Variants in NDRG4 observed in about 807,000 individuals in gnomAD.
NDRG4 encodes the protein NDRG family member 4, also known as protein NDRG4.
In NDRG4, 38 loss-of-function variants were observed where a neutral mutation model predicts 55.8. That is an observed-to-expected ratio of 0.68 (90% CI 0.53 to 0.89). The LOEUF is 0.89. NDRG4 is among the 40% of genes least tolerant of loss of function. The pLI is 0.00. For synonymous variants in NDRG4, 190 were observed against 182.7 expected (o/e 1.04, Z -0.32); for missense variants, 455 against 468.6 (o/e 0.97, Z 0.27).
chr16:58,487,747 C>T, intron 1 of NDRG4: 1 of 1,523,632 alleles, frequency 6.6e-7, no homozygotes, highest in Non-Finnish European at 8.8e-7. Flanking sequence ...CCTCGCCCTC[C>T]CTCCCTAGGC....
chr16:58,483,172 T>C (rs552064504), intron 1 of NDRG4, among the ~76,000 whole-genome samples: 1 of 152,154 alleles, frequency 6.6e-6, no homozygotes, highest in Admixed American at 6.5e-5. Context: ...TTCTGTAGGA[T>C]GTATAACTAC....
intron 1 of NDRG4, among the ~76,000 whole-genome samples, chr16:58,471,643 A>G: frequency 6.6e-6 from 1 of 152,166 alleles, no homozygotes; most frequent in Non-Finnish European, 1.5e-5. Context: ...TCAGTGCTTT[A>G]GCTTCCAAAC....
chr16:58,512,334 TG>T lies in NDRG4; in HGVS notation c.*763del. On this transcript the variant is annotated 3_prime_UTR_variant, in exon 15 of 15. Transcript: ENST00000570248. ...TCCTCTGTCCCCACAGTGACCTGAC[TG>T]GGGGTGAGGGAGAAGGAGGAGAGAG... 1 of 332,326 alleles carries T rather than the reference TG, an allele frequency of 3.0e-6. No individual in the cohort carries two copies. Among genetic ancestry groups the T allele is most frequent in the Non-Finnish European group, 5.9e-6 (1 of 169,864 alleles). 20.6% of individuals were successfully genotyped at this position (332,326 alleles called of 1,614,324 possible). A position where few individuals can be genotyped will look rare whatever the true frequency, so the allele number is the denominator to read the frequency against.
At chr16:58,471,701 C>A (rs998502210) in intron 1 of NDRG4, among the ~76,000 whole-genome samples, 3 of 152,132 alleles carry the variant, frequency 2.0e-5, no homozygotes, top group Non-Finnish European at 2.9e-5. Flanking sequence ...GTCTTAAGCC[C>A]CATAACAAAT....
chr16:58,483,133 T>C (rs544307978), intron 1 of NDRG4, among the ~76,000 whole-genome samples: 1 of 152,252 alleles, frequency 6.6e-6, no homozygotes, highest in African/African-American at 2.4e-5. Context: ...CACTGCTGAA[T>C]TTGTTCTCCC....
intron 1 of NDRG4, among the ~76,000 whole-genome samples, chr16:58,503,086 G>A (rs1202825776): frequency 2.0e-5 from 3 of 152,236 alleles, no homozygotes; most frequent in African/African-American, 7.2e-5. Flanking sequence ...CACAAGTAAG[G>A]GGTAGAACCA....
At chr16:58,509,852 C>G (rs969964889) in intron 13 of NDRG4, among the ~76,000 whole-genome samples, 1 of 152,154 alleles carries the variant, frequency 6.6e-6, no homozygotes, top group Non-Finnish European at 1.5e-5. Context: ...CTGGGGCCGC[C>G]TGGCATTCAG....
intron 1 of NDRG4, among the ~76,000 whole-genome samples, chr16:58,471,133 A>G (rs1312620424): frequency 6.6e-6 from 1 of 150,898 alleles, no homozygotes; most frequent in Non-Finnish European, 1.5e-5. Context: ...AGCCCAGAGA[A>G]ATTGATTTTG....
At chr16:58,507,303 C>T (rs2038169611) in intron 8 of NDRG4, 1 of 474,108 alleles carries the variant, frequency 2.1e-6, no homozygotes, top group East Asian at 3.6e-5. Context: ...CTCCAGTAAC[C>T]CAGCCTTGAT....
chr16:58,476,801 A>G (rs1423197776), intron 1 of NDRG4, among the ~76,000 whole-genome samples: 1 of 152,230 alleles, frequency 6.6e-6, no homozygotes, highest in Admixed American at 6.5e-5. Context: ...ATTTATTTCA[A>G]TTATATTTTC....
intron 1 of NDRG4, among the ~76,000 whole-genome samples, chr16:58,482,810 C>G (rs1447631018): frequency 7.0e-6 from 1 of 143,830 alleles, no homozygotes; most frequent in Non-Finnish European, 1.5e-5. Flanking sequence ...TTCTCTCTTT[C>G]TTTCTTTTGA....
chr16:58,480,988 G>A (rs1345967822), intron 1 of NDRG4, among the ~76,000 whole-genome samples: 4 of 150,202 alleles, frequency 2.7e-5, no homozygotes, highest in Non-Finnish European at 5.9e-5. Context: ...CAGCCTGGGC[G>A]ACAGAGTGAG....
rs1168025203 is a variant in NDRG4, at chr16:58,507,834, C to T, written c.647C>T (p.Pro216Leu). ...CGCAGAGACCTGGACATTAACCGGC[C>T]TGGAACGGTGCCCAATGCCAAGACG... ...NSRRDLDINR[P>L]GTVPNAKTLR... The change falls in exon 9 of 15, where the codon CCT becomes CTT. Residue 216 changes from proline to leucine, a missense_variant. Coordinates refer to ENST00000570248, the MANE Select transcript of NDRG4 (RefSeq NM_001242835.2). 1.2e-6 allele frequency: 2 copies of T among 1,613,900 alleles called. No individual in the cohort carries two copies. The highest frequency in any genetic ancestry group is 1.7e-6 in the Non-Finnish European group (2 of 1,180,014).
chr16:58,515,380 G>GT, downstream of NDRG4: 2 of 763,628 alleles, frequency 2.6e-6, no homozygotes, highest in Non-Finnish European at 4.0e-6. Flanking sequence ...GACTCAAGAT[G>GT]TTTTCATGAG....
Position 58,508,827 on chromosome 16 carries a change from C to G in NDRG4, c.730-135C>G, listed in dbSNP as rs908079924. ...GGAGAAGAAAGCCTGGGAGGAGCAG[C>G]CTGTCACAGCTGCTGGGCCTCCCTC... On this transcript the variant is annotated intron_variant, in intron 10 of 14. Coordinates refer to ENST00000570248, the MANE Select transcript of NDRG4 (RefSeq NM_001242835.2). 1.1e-4 allele frequency: 98 copies of G among 894,484 alleles called. 1 individual carries two copies. The highest frequency in any genetic ancestry group is 2.1e-5 in the Non-Finnish European group (12 of 569,338). The allele number at this position is 894,484 out of a possible 1,614,324, so 55.4% of individuals were successfully genotyped here.
At chr16:58,485,957 C>G (rs1450865607) in intron 1 of NDRG4, among the ~76,000 whole-genome samples, 1 of 151,960 alleles carries the variant, frequency 6.6e-6, no homozygotes, top group African/African-American at 2.4e-5. Flanking sequence ...CTCTGGTTTC[C>G]TTAGGCAATT....
intron 1 of NDRG4, among the ~76,000 whole-genome samples, chr16:58,503,345 T>C (rs2037408561): frequency 6.6e-6 from 1 of 152,116 alleles, no homozygotes; most frequent in Non-Finnish European, 1.5e-5. Flanking sequence ...TAGGCTTGGC[T>C]GGCACGGGGT....
At chr16:58,498,400 A>G (rs2036647443), upstream of NDRG4, among the ~76,000 whole-genome samples, 1 of 152,154 alleles carries the variant, frequency 6.6e-6, no homozygotes. Context: ...CAGGCAGAGG[A>G]CATGACCAGC....
At chr16:58,484,947 T>C (rs1000121632) in intron 1 of NDRG4, among the ~76,000 whole-genome samples, 1 of 149,532 alleles carries the variant, frequency 6.7e-6, no homozygotes, top group African/African-American at 2.5e-5. Context: ...AGTGGCGCAA[T>C]CTCGGCTCAC....
Sources: gnomAD v4.1 joint callset for allele counts (sites outside exome capture counted in the v4.1 genomes callset) on GRCh38, gnomAD v4.1.1 for gene constraint, MANE v1.5 for transcripts, NCBI Gene and HGNC (gene_info 2026-07-23, HGNC 2026-07-21) for gene names.